The following ADORA2B variants were observed in gnomAD, a reference collection of about 807,000 sequenced individuals.
ADORA2B encodes the protein adenosine A2b receptor.
A neutral mutation model predicts 20.8 loss-of-function variants in ADORA2B; 18 were observed. The observed-to-expected ratio is 0.87, with a 90% CI of 0.60 to 1.29. The LOEUF is 1.29. Among genes scored for constraint, ADORA2B ranks in the 50% most tolerant of loss-of-function variants. The probability of loss-of-function intolerance (pLI) is 0.00; values close to 1 mark genes in which losing one functional copy is unlikely to be tolerated. For synonymous variants in ADORA2B, 179 were observed against 178.3 expected (o/e 1.00, Z -0.03); for missense variants, 441 against 422.7 (o/e 1.04, Z -0.38).
the ADORA2B span, among the ~76,000 whole-genome samples, chr17:15,928,344 T>C: frequency 1.3e-5 from 2 of 151,460 alleles, no homozygotes; most frequent in Middle Eastern, 3.4e-3. Flanking sequence ...GGGTGTTTTC[T>C]TTCCTCTTTT....
the ADORA2B span, among the ~76,000 whole-genome samples, chr17:15,863,633 C>T: frequency 2.6e-5 from 4 of 152,100 alleles, no homozygotes; most frequent in African/African-American, 7.2e-5. Flanking sequence ...GGATTACAGG[C>T]GTGAGCCACT....
the ADORA2B span, among the ~76,000 whole-genome samples, chr17:15,875,300 T>C: frequency 6.6e-6 from 1 of 152,214 alleles, no homozygotes; most frequent in Non-Finnish European, 1.5e-5. Flanking sequence ...ACCTCTACAT[T>C]GCTAAATAGC....
the ADORA2B span, among the ~76,000 whole-genome samples, chr17:15,915,815 A>G: frequency 6.6e-6 from 1 of 152,262 alleles, no homozygotes; most frequent in Admixed American, 6.5e-5. Context: ...GATATTGGGG[A>G]GGGTATCTGC....
At chr17:15,864,757 G>T in the ADORA2B span, among the ~76,000 whole-genome samples, 1 of 151,890 alleles carries the variant, frequency 6.6e-6, no homozygotes, top group Admixed American at 6.6e-5. Flanking sequence ...TTCCTGAGGT[G>T]GGATACTTGC....
the ADORA2B span, among the ~76,000 whole-genome samples, chr17:15,877,103 A>T: frequency 6.6e-6 from 1 of 152,214 alleles, no homozygotes; most frequent in Non-Finnish European, 1.5e-5. Flanking sequence ...AAGGCTGAAT[A>T]AAATTCCATC....
chr17:15,874,107 C>T, the ADORA2B span, among the ~76,000 whole-genome samples: 4 of 137,902 alleles, frequency 2.9e-5, no homozygotes, highest in Non-Finnish European at 6.1e-5. Context: ...CACACACACA[C>T]ATATATACAT....
At chr17:15,866,742 T>TGCCG in the ADORA2B span, among the ~76,000 whole-genome samples, 192 of 119,802 alleles carry the variant, frequency 1.6e-3, no homozygotes, top group Middle Eastern at 4.7e-3. Flanking sequence ...TGCCTCTGCC[T>TGCCG]CTGCCGCTGC....
the ADORA2B span, among the ~76,000 whole-genome samples, chr17:15,869,911 A>G: frequency 0.041 from 6,198 of 152,314 alleles, 446 homozygotes; most frequent in African/African-American, 0.14. Flanking sequence ...TTCTTATTTT[A>G]TAAAGATAAT....
intron 1 of ADORA2B, among the ~76,000 whole-genome samples, chr17:15,948,403 G>A (rs9901942): frequency 0.056 from 2,128 of 38,128 alleles, 620 homozygotes; most frequent in African/African-American, 0.1. Context: ...CCTGGCGGCG[G>A]GGGGCTCCAG....
chr17:15,865,205 G>C, the ADORA2B span, among the ~76,000 whole-genome samples: 4 of 152,196 alleles, frequency 2.6e-5, no homozygotes, highest in East Asian at 1.9e-4. Flanking sequence ...TTTTTTGTGC[G>C]TGTGAAACAC....
chr17:15,897,133 A>T, the ADORA2B span, among the ~76,000 whole-genome samples: 69 of 152,172 alleles, frequency 4.5e-4, 1 homozygote, highest in Non-Finnish European at 8.8e-5. Flanking sequence ...AAGATAAGAC[A>T]CCTGAAATTT....
At chr17:15,946,186 T>C (rs1969803482) in intron 1 of ADORA2B, among the ~76,000 whole-genome samples, 1 of 152,236 alleles carries the variant, frequency 6.6e-6, no homozygotes, top group Non-Finnish European at 1.5e-5. Context: ...CCGTTAACTT[T>C]GGGGAACGCT....
chr17:15,879,540 CT>C, the ADORA2B span, among the ~76,000 whole-genome samples: 182 of 139,332 alleles, frequency 1.3e-3, no homozygotes, highest in Admixed American at 1.5e-3. Flanking sequence ...AAAGGATTTT[CT>C]TTTTTTTTTT....
At chr17:15,857,188 G>A in the ADORA2B span, among the ~76,000 whole-genome samples, 1 of 152,234 alleles carries the variant, frequency 6.6e-6, no homozygotes, top group East Asian at 1.9e-4. Context: ...AGTCTTGGTG[G>A]CTTCCATGTG....
chr17:15,868,780 C>CA, the ADORA2B span, among the ~76,000 whole-genome samples: 2,199 of 139,818 alleles, frequency 0.016, 92 homozygotes, highest in African/African-American at 0.054. Flanking sequence ...ACTCCATCTC[C>CA]AAAAAAAAAA....
chr17:15,916,340 A>G, the ADORA2B span, among the ~76,000 whole-genome samples: 7 of 152,172 alleles, frequency 4.6e-5, no homozygotes, highest in African/African-American at 1.7e-4. Context: ...GTGTAGGAGG[A>G]CAAGTCACAG....
the ADORA2B span, chr17:15,863,962 AT>A: frequency 2.0e-5 from 3 of 153,602 alleles, no homozygotes. Context: ...TAAACCAGAC[AT>A]TTGCTTTTCT....
the ADORA2B span, among the ~76,000 whole-genome samples, chr17:15,939,138 T>G: frequency 3.3e-5 from 5 of 152,052 alleles, 1 homozygote; most frequent in Admixed American, 3.3e-4. Flanking sequence ...GCTCCCGAGT[T>G]CAAGCGATCC....
chr17:15,867,053 C>T, the ADORA2B span, among the ~76,000 whole-genome samples: 1 of 152,372 alleles, frequency 6.6e-6, no homozygotes, highest in Non-Finnish European at 1.5e-5. Flanking sequence ...TCCCGAGGTG[C>T]CGGGATGGCA....
Sources: allele counts gnomAD v4.1 joint callset (sites outside exome capture counted in the v4.1 genomes callset), GRCh38; gene constraint gnomAD v4.1.1; transcripts MANE v1.5; gene names NCBI Gene and HGNC (gene_info 2026-07-23, HGNC 2026-07-21).